The following ATP2B1 variants were observed in gnomAD, a reference collection of about 807,000 sequenced individuals.
ATP2B1 encodes ATPase plasma membrane Ca2+ transporting 1.
In ATP2B1, 14 loss-of-function variants were observed where a neutral mutation model predicts 124.2. The observed-to-expected ratio is 0.11, with a 90% confidence interval of 0.07 to 0.18. The LOEUF (loss-of-function observed/expected upper bound fraction) is 0.18. Ranked by LOEUF, ATP2B1 falls within the 10% of genes least tolerant of loss-of-function variation. The pLI, the probability that ATP2B1 is intolerant of heterozygous loss-of-function variation, is 1.00. For missense variants in ATP2B1, 763 were observed against 1,466.1 expected (o/e 0.52, Z 7.83); for synonymous variants, 449 against 492.4 (o/e 0.91, Z 1.17).
chr12:89,651,811 A>T (rs546727516), intron 2 of ATP2B1, among the ~76,000 whole-genome samples: 1 of 152,348 alleles, frequency 6.6e-6, no homozygotes, highest in Non-Finnish European at 1.5e-5. Flanking sequence ...GACTGGAGCC[A>T]GAGTGAGACT....
intron 1 of ATP2B1, among the ~76,000 whole-genome samples, chr12:89,685,104 T>C (rs1043491952): frequency 1.3e-5 from 2 of 152,152 alleles, no homozygotes; most frequent in African/African-American, 4.8e-5. Context: ...CAGTCATTCA[T>C]AGATGCAATT....
chr12:89,646,240 AG>A (rs1884439523), intron 2 of ATP2B1, among the ~76,000 whole-genome samples: 1 of 152,190 alleles, frequency 6.6e-6, no homozygotes, highest in Admixed American at 6.5e-5. Flanking sequence ...AAACAAAACA[AG>A]TGTAGGTGTC....
chr12:89,597,491 T>TA (rs1874857385), intron 20 of ATP2B1, among the ~76,000 whole-genome samples: 1 of 152,096 alleles, frequency 6.6e-6, no homozygotes, highest in Non-Finnish European at 1.5e-5. Context: ...CACCACATTT[T>TA]AAAAAATATC....
intron 20 of ATP2B1, chr12:89,598,861 G>A: frequency 7.9e-7 from 1 of 1,273,284 alleles, no homozygotes; most frequent in Non-Finnish European, 1.1e-6. Context: ...ACAGCATATA[G>A]GCAAGAATAG....
At chr12:89,705,254 C>G (rs906849095) in intron 1 of ATP2B1, among the ~76,000 whole-genome samples, 3 of 152,068 alleles carry the variant, frequency 2.0e-5, no homozygotes, top group African/African-American at 7.2e-5. Context: ...ACCTCAGATT[C>G]CACCTAGTCC....
intron 11 of ATP2B1, 64 bp from the exon 12 acceptor site, chr12:89,617,103 G>C: frequency 5.6e-6 from 7 of 1,253,750 alleles, no homozygotes; most frequent in South Asian, 3.7e-5. Flanking sequence ...TGCCATTTAA[G>C]TGAACTGGCA....
At position 89,627,541 on chromosome 12, in the gene ATP2B1, G is replaced by A. The variant is rs551843920; in HGVS notation, c.967+137C>T. Reference sequence around the variant, plus strand: ...GACATGACTAAGACACCGGCAGGAAGAAAGGTTAACCCAAGCTAACGTATA... The same window carrying A: ...GACATGACTAAGACACCGGCAGGAAAAAAGGTTAACCCAAGCTAACGTATA... On this transcript the variant is annotated intron_variant, in intron 7 of 20. Coordinates refer to ENST00000428670, the MANE Select transcript of ATP2B1 (RefSeq NM_001366521.1). 1.9e-4 allele frequency: 169 copies of A among 872,570 alleles called. No homozygotes were observed. The African/African-American group carries it at 2.7e-3, about 14-fold the overall frequency. 54.1% of individuals were successfully genotyped at this position (872,570 alleles called of 1,614,324 possible).
At chr12:89,602,914 T>C (rs1331054330) in intron 18 of ATP2B1, 129 bp downstream of exon 18, 1 of 763,664 alleles carries the variant, frequency 1.3e-6, no homozygotes, top group Non-Finnish European at 2.1e-6. Context: ...TAAATCACCA[T>C]GATATTATAT....
intron 1 of ATP2B1, among the ~76,000 whole-genome samples, chr12:89,698,736 C>T (rs1367640865): frequency 2.0e-5 from 3 of 152,142 alleles, no homozygotes; most frequent in Admixed American, 1.3e-4. Flanking sequence ...CTGACTGGGA[C>T]ATTTTCTTTG....
At position 89,627,716 on chromosome 12, in the gene ATP2B1, T is replaced by G; in HGVS notation, c.929A>C (p.Asn310Thr). The G allele has an allele frequency of 1.2e-6, 2 of 1,613,926 alleles. No homozygotes were observed. The highest frequency in any genetic ancestry group is 1.7e-6 in the Non-Finnish European group (2 of 1,179,876). Reference protein sequence around the residue: ...KKDEKKKEKKNKKQDGAIENR... With the variant: ...KKDEKKKEKKTKKQDGAIENR... ...CTCAATAGCTCCATCTTGTTTCTTA[T>G]CTGTAGGAACAAAATGGGAATTAAA... The change falls in exon 7 of 21, where the codon AAT becomes ACT. Residue 310 changes from asparagine to threonine, a missense_variant and splice_region_variant. By Grantham distance (65) the Asn-to-Thr change is moderately conservative. Around this residue, in one of 7 missense-constraint regions of ATP2B1, gnomAD observed 392 missense variants for 776.6 expected, o/e 0.50. Transcript: ENST00000428670.
At position 89,588,537 on chromosome 12, in the gene ATP2B1, A is replaced by G. The variant is rs145069315; in HGVS notation, c.*2447T>C. On this transcript the variant is annotated 3_prime_UTR_variant, in exon 21 of 21. Coordinates refer to ENST00000428670, the MANE Select transcript of ATP2B1 (RefSeq NM_001366521.1). ...CTATACATACTATATAATGGGATCC[A>G]AGATCTTTAACAGCTTGCTTGCATT... 1.3e-5 allele frequency: 2 copies of G among 152,756 alleles called. No homozygotes were observed. Among genetic ancestry groups the G allele is most frequent in the East Asian group, 3.9e-4 (2 of 5,192 alleles). The allele number at this position is 152,756 out of a possible 1,614,324, so 9.5% of individuals were successfully genotyped here.
intron 3 of ATP2B1, 199 bp downstream of exon 3, chr12:89,641,959 T>C (rs1412029985): frequency 1.9e-5 from 11 of 577,310 alleles, no homozygotes; most frequent in African/African-American, 1.7e-4. Flanking sequence ...CTGTGCCTCA[T>C]TGTAAAAGGG....
chr12:89,697,295 G>A (rs891331878), intron 1 of ATP2B1, among the ~76,000 whole-genome samples: 1 of 152,034 alleles, frequency 6.6e-6, no homozygotes, highest in Non-Finnish European at 1.5e-5. Flanking sequence ...GAAGACTCAA[G>A]AAACCAAATA....
intron 1 of ATP2B1, among the ~76,000 whole-genome samples, chr12:89,656,749 C>T (rs1369832132): frequency 6.6e-6 from 1 of 152,168 alleles, no homozygotes; most frequent in Non-Finnish European, 1.5e-5. Flanking sequence ...CATGTTACCA[C>T]CTCAGGTCTT....
At position 89,705,438 on chromosome 12, in the gene ATP2B1, GAAT is replaced by G. The variant is rs577096849; in HGVS notation, c.-222+3155_-222+3157del. 6.6e-5 allele frequency among the ~76,000 whole-genome samples: 10 copies of G among 151,934 alleles called. No individual in the cohort carries two copies. In the East Asian group the frequency reaches 1.9e-3, roughly 29 times the overall value. Reference sequence around the variant, plus strand: ...TTTGCTCATCCATTACAAAATTCCAGAATAAAAAAGTGAAAACATCAATTTTAC... The same window carrying G: ...TTTGCTCATCCATTACAAAATTCCAGAAAAAAGTGAAAACATCAATTTTAC... On this transcript the variant is annotated intron_variant, in intron 1 of 20. Transcript: ENST00000428670.
chr12:89,597,961 A>C (rs77114137), intron 20 of ATP2B1, among the ~76,000 whole-genome samples: 20 of 142,500 alleles, frequency 1.4e-4, no homozygotes, highest in Admixed American at 7.4e-4. Flanking sequence ...GGAAAAAAAA[A>C]ACACCCCAAA....
intron 2 of ATP2B1, among the ~76,000 whole-genome samples, chr12:89,653,577 G>A (rs1338466931): frequency 2.0e-5 from 3 of 152,060 alleles, no homozygotes; most frequent in South Asian, 4.1e-4. Flanking sequence ...GATTACAGGC[G>A]TGAGCCACCG....
Position 89,642,195 on chromosome 12 carries a change from G to A in ATP2B1, c.369C>T (p.Gly123=), listed in dbSNP as rs995929114. 41 of 1,613,620 alleles carry A rather than the reference G, an allele frequency of 2.5e-5. No homozygotes were observed. Among genetic ancestry groups the A allele is most frequent in the Non-Finnish European group, 3.4e-5 (40 of 1,179,764 alleles). ...CTTCTGGAGGCTGATAAAAAGAAAG[G>A]CCCAATGATACTATGGCTGCAATTT... The part of the protein sequence containing the change: ...ILEIAAIVSL[G]LSFYQPPEGD... Residue 123 remains glycine (G), a synonymous_variant, in exon 3 of 21, where the codon GGC becomes GGT. Coordinates refer to ENST00000428670, the MANE Select transcript of ATP2B1 (RefSeq NM_001366521.1).
intron 2 of ATP2B1, among the ~76,000 whole-genome samples, chr12:89,649,202 A>G (rs889385908): frequency 6.6e-6 from 1 of 152,244 alleles, no homozygotes; most frequent in Non-Finnish European, 1.5e-5. Context: ...ATTGTTTTCT[A>G]GATCCTAGAA....
Sources: allele counts gnomAD v4.1 joint callset (sites outside exome capture counted in the v4.1 genomes callset), GRCh38; gene constraint gnomAD v4.1.1; regional missense constraint gnomAD v4.1.1; transcripts MANE v1.5; gene names NCBI Gene and HGNC (gene_info 2026-07-23, HGNC 2026-07-21).